CDC42BPG: variants seen among roughly 807,000 people sequenced by gnomAD.
CDC42BPG encodes CDC42 binding protein kinase gamma.
Under a neutral mutation model 192.2 loss-of-function variants are expected in CDC42BPG, and 157 were observed. The observed-to-expected ratio is 0.82, with a 90% CI of 0.72 to 0.93. The LOEUF is 0.93. CDC42BPG is among the 40% of genes least tolerant of loss of function. The pLI, the probability that CDC42BPG is intolerant of heterozygous loss-of-function variation, is 0.00. For missense variants in CDC42BPG, 1,992 were observed against 2,122.1 expected, an observed-to-expected ratio of 0.94 and a Z score of 1.20; for synonymous variants, 981 against 918.5, an observed-to-expected ratio of 1.07 and a Z score of -1.23.
intron 3 of CDC42BPG, among the ~76,000 whole-genome samples, chr11:64,840,850 G>A (rs575677501): frequency 1.9e-4 from 29 of 152,308 alleles, no homozygotes; most frequent in African/African-American, 7.0e-4. Context: ...TATGGAAAAT[G>A]GGAACGACTC....
At chr11:64,826,838 G>A (rs763947851) in intron 34 of CDC42BPG, 44 bp from the exon 35 acceptor site, 13 of 1,468,390 alleles carry the variant, frequency 8.9e-6, no homozygotes, top group Non-Finnish European at 1.2e-5. Context: ...GCAGGCACAA[G>A]GAGGACAAGA....
chr11:64,836,708 G>GGGGC lies in CDC42BPG; in HGVS notation c.1384+30_1384+31insGCCC, dbSNP rs1565689842. 107 of 695,698 alleles carry GGGGC rather than the reference G, an allele frequency of 1.5e-4. 1 individual carries two copies. Among genetic ancestry groups the GGGGC allele is most frequent in the South Asian group, 1.1e-3 (56 of 50,614 alleles). 43.1% of individuals were successfully genotyped at this position (695,698 alleles called of 1,614,324 possible). On this transcript the variant is annotated intron_variant, in intron 11 of 36. Coordinates refer to ENST00000342711, the MANE Select transcript of CDC42BPG (RefSeq NM_017525.3). ...CGAGCCCAGGTGGGACTCAGCCCTG[G>GGGGC]GGGGGGGGGGGGGGTGGGCGGAAGG... is the stretch of plus-strand genomic sequence containing the variant.
intron 20 of CDC42BPG, 31 bp downstream of exon 20, chr11:64,834,235 G>A: frequency 6.5e-7 from 1 of 1,540,630 alleles, no homozygotes; most frequent in Non-Finnish European, 8.7e-7. Flanking sequence ...GGGGAGCCTG[G>A]CTCCGGGGCA....
At chr11:64,838,979 C>T (rs994097341) in intron 7 of CDC42BPG, 54 bp downstream of exon 7, 1 of 1,611,700 alleles carries the variant, frequency 6.2e-7, no homozygotes, top group African/African-American at 1.3e-5. Context: ...TCCAACCACA[C>T]AGACTCAGGG....
At position 64,831,506 on chromosome 11, in the gene CDC42BPG, G is replaced by T; in HGVS notation, c.3303C>A (p.Leu1101=). The T allele has an allele frequency of 6.2e-7, 1 of 1,604,898 alleles. No individual in the cohort carries two copies. Among genetic ancestry groups the T allele is most frequent in the Non-Finnish European group, 8.5e-7 (1 of 1,173,914 alleles). Residue 1101 remains leucine, a splice_region_variant and synonymous_variant, in exon 28 of 37, where the codon CTC becomes CTA. Transcript: ENST00000342711. ...CTCCAGTCCCCTCCACCAGCTCACCGAGGATGGCAGCGCAGAGCGTGTGAG... is the reference window on the plus strand; with the variant it reads ...CTCCAGTCCCCTCCACCAGCTCACCTAGGATGGCAGCGCAGAGCGTGTGAG... ...LLPHTLCAAI[L]DQDRLALGTE...
At chr11:64,838,578 G>C (rs1354422078) in intron 8 of CDC42BPG, 76 bp downstream of exon 8, 1 of 1,576,360 alleles carries the variant, frequency 6.3e-7, no homozygotes. Flanking sequence ...CACCCCAGGG[G>C]ACTTCAGAGG....
At chr11:64,834,208 G>T in intron 20 of CDC42BPG, 58 bp downstream of exon 20, 1 of 1,499,944 alleles carries the variant, frequency 6.7e-7, no homozygotes. Context: ...AGCCCCCTTG[G>T]CAAGTGGGAG....
chr11:64,834,023 G>C, intron 20 of CDC42BPG, 46 bp from the exon 21 acceptor site: 4 of 1,612,344 alleles, frequency 2.5e-6, no homozygotes, highest in Non-Finnish European at 3.4e-6. Flanking sequence ...CTGGCCTGAG[G>C]AACTAGGGTC....
At position 64,835,802 on chromosome 11, in the gene CDC42BPG, C is replaced by T. The variant is rs200162551; in HGVS notation, c.1718G>A (p.Gly573Glu). 5.0e-6 allele frequency: 8 copies of T among 1,613,306 alleles called. No individual in the cohort carries two copies. The highest frequency in any genetic ancestry group is 3.3e-5 in the Admixed American group (2 of 59,998). ...SLSRQVTQLQGQWEQRLEESS... is the reference protein window; with the variant it reads ...SLSRQVTQLQEQWEQRLEESS... ...CTCCTCAAGGCGTTGCTCCCACTGT[C>T]CCTGCAGCTGCGTCACCTGCCGGCT... is the stretch of plus-strand genomic sequence containing the variant. The change falls in exon 14 of 37, where the codon GGA becomes GAA. Residue 573 changes from glycine to glutamate, a missense_variant. By Grantham distance (98) the Gly-to-Glu change is moderately conservative. Transcript: ENST00000342711.
chr11:64,842,997 G>A (rs530041963), intron 1 of CDC42BPG, among the ~76,000 whole-genome samples: 1 of 152,262 alleles, frequency 6.6e-6, no homozygotes, highest in South Asian at 2.1e-4. Context: ...AGGTCTGTGT[G>A]TGGAGCTGGG....
chr11:64,827,315 A>C lies in CDC42BPG; in HGVS notation c.4234T>G (p.Phe1412Val). 2 of 1,614,018 alleles carry C rather than the reference A, an allele frequency of 1.2e-6. No individual in the cohort carries two copies. The highest frequency in any genetic ancestry group is 1.7e-6 in the Non-Finnish European group (2 of 1,179,952). Residue 1412 changes from phenylalanine (F) to valine (V), a missense_variant, in exon 33 of 37, where the codon TTC becomes GTC. By Grantham distance (50) the Phe-to-Val change is conservative (BLOSUM62 -1). Coordinates refer to ENST00000342711, the MANE Select transcript of CDC42BPG (RefSeq NM_017525.3). ...FRTKSKRRFF[F>V]RVSEEQQKQQ... ...TTCTGCTGCTCCTCCGACACGCGGA[A>C]AAAGAAGCGGCGCTTGCTCTTGGTG...
intron 13 of CDC42BPG, 110 bp downstream of exon 13, chr11:64,836,007 T>A: frequency 7.2e-7 from 1 of 1,379,782 alleles, no homozygotes; most frequent in Non-Finnish European, 9.8e-7. Context: ...TGGCCTAGCC[T>A]CTGCCAGCTA....
intron 9 of CDC42BPG, 66 bp from the exon 10 acceptor site, chr11:64,837,085 C>T (rs1943055800): frequency 7.7e-7 from 1 of 1,301,430 alleles, no homozygotes; most frequent in African/African-American, 1.5e-5. Flanking sequence ...CTCCATCCTC[C>T]TGGACCGAAT....
At position 64,835,382 on chromosome 11, in the gene CDC42BPG, C is replaced by T. The variant is rs1488303663; in HGVS notation, c.1918G>A (p.Glu640Lys). The T allele has an allele frequency of 1.9e-6, 3 of 1,613,988 alleles. No homozygotes were observed. Among genetic ancestry groups the T allele is most frequent in the East Asian group, 2.2e-5 (1 of 44,882 alleles). The stretch of plus-strand genomic sequence containing the variant: ...TCCCGGCTCAGCCTCCGGTTTTCCT[C>T]CTGCAGCTGGCACAGAGCCTCCTCC... ...GKEEALCQLQEENRRLSREQE... is the reference protein window; with the variant it reads ...GKEEALCQLQKENRRLSREQE... Residue 640 changes from glutamate (E) to lysine (K), a missense_variant, in exon 16 of 37, where the codon GAG becomes AAG. Around this residue, in one of 2 missense-constraint regions of CDC42BPG, gnomAD observed 1,656 missense variants for 1,844.3 expected, o/e 0.90. Transcript: ENST00000342711.
Position 64,829,708 on chromosome 11 carries a change from C to T in CDC42BPG, c.3730G>A (p.Gly1244Ser), listed in dbSNP as rs1171028334. 19 of 1,610,416 alleles carry T rather than the reference C, an allele frequency of 1.2e-5. No individual in the cohort carries two copies. The highest frequency in any genetic ancestry group is 1.7e-4 in the Middle Eastern group (1 of 6,006). ...LGDRLCVGAA[G>S]GFALYPLLNE... The stretch of plus-strand genomic sequence containing the variant: ...AGCAGCGGGTAGAGTGCAAAGCCAC[C>T]GGCGGCGCCCACACATAGCCGGTCG... Residue 1244 changes from glycine to serine, a missense_variant, in exon 30 of 37, where the codon GGT becomes AGT. Coordinates refer to ENST00000342711, the MANE Select transcript of CDC42BPG (RefSeq NM_017525.3).
At chr11:64,827,256 C>T (rs773073824) in intron 33 of CDC42BPG, 22 bp downstream of exon 33, 1 of 1,613,178 alleles carries the variant, frequency 6.2e-7, no homozygotes, top group Non-Finnish European at 8.5e-7. Context: ...CCAGCCTCAG[C>T]CCCCGCGTCG....
chr11:64,841,873 C>T lies in CDC42BPG; in HGVS notation c.192G>A (p.Leu64=). ...ASPFVSKVKE[L]RLQRDDFEIL... ...TCTCAAAGTCATCTCTCTGCAGACG[C>T]AGTTCTTTCACCTTTGATACGAAGG... Residue 64 remains leucine (L), a synonymous_variant, in exon 2 of 37, where the codon CTG becomes CTA. Coordinates refer to ENST00000342711, the MANE Select transcript of CDC42BPG (RefSeq NM_017525.3). 6.2e-7 allele frequency: 1 copy of T among 1,613,506 alleles called. No homozygotes were observed. The highest frequency in any genetic ancestry group is 8.5e-7 in the Non-Finnish European group (1 of 1,179,774).
At chr11:64,826,335 T>G (rs911977324) in intron 36 of CDC42BPG, 135 bp downstream of exon 36, 2 of 677,180 alleles carry the variant, frequency 3.0e-6, no homozygotes, top group African/African-American at 3.6e-5. Context: ...CAGGTAAGAA[T>G]CTGCATCTCG....
rs1471116944 is a variant in CDC42BPG, at chr11:64,836,424, C to T, written c.1488+3G>A. The T allele has an allele frequency of 9.9e-6, 16 of 1,613,308 alleles. No individual in the cohort carries two copies. Among genetic ancestry groups the T allele is most frequent in the Non-Finnish European group, 1.4e-5 (16 of 1,179,806 alleles). On this transcript the variant is annotated splice_donor_region_variant and intron_variant, in intron 12 of 36. Transcript: ENST00000342711. ...GCCCTCACCCACCTCACCCAGCCCT[C>T]ACCCGGTGAAGTCGGTCAAGCTCCT...
Sources: gnomAD v4.1 joint callset for allele counts (sites outside exome capture counted in the v4.1 genomes callset) on GRCh38, gnomAD v4.1.1 for gene constraint, gnomAD v4.1.1 regional missense constraint, MANE v1.5 for transcripts, NCBI Gene and HGNC (gene_info 2026-07-23, HGNC 2026-07-21) for gene names.